DPP10: variants seen among roughly 807,000 people sequenced by gnomAD.
DPP10 encodes the protein inactive dipeptidyl peptidase 10.
Under a neutral mutation model 120.9 loss-of-function variants are expected in DPP10, and 33 were observed. That is an observed-to-expected ratio of 0.27 (90% CI 0.21 to 0.37). The LOEUF (loss-of-function observed/expected upper bound fraction) is 0.37, where lower values mean the gene tolerates loss of function less well. DPP10 is among the 10% of genes least tolerant of loss of function. The probability of loss-of-function intolerance (pLI) is 1.00; values close to 1 mark genes in which losing one functional copy is unlikely to be tolerated. For synonymous variants in DPP10, 337 were observed against 326.1 expected (o/e 1.03, Z -0.36); for missense variants, 816 against 942.8 (o/e 0.87, Z 1.76).
At chr2:115,261,984 C>T (rs561430699) in intron 1 of DPP10, among the ~76,000 whole-genome samples, 55 of 152,234 alleles carry the variant, frequency 3.6e-4, no homozygotes, top group Non-Finnish European at 5.4e-4. Flanking sequence ...GAACTAATGC[C>T]ACATGCCATC....
intron 1 of DPP10, among the ~76,000 whole-genome samples, chr2:114,548,915 A>G (rs749383821): frequency 6.6e-6 from 1 of 152,210 alleles, no homozygotes; most frequent in Non-Finnish European, 1.5e-5. Context: ...GTTCCAGTTA[A>G]AGAGAGATGT....
intron 12 of DPP10, among the ~76,000 whole-genome samples, chr2:115,767,833 A>G (rs1300959209): frequency 1.3e-5 from 2 of 152,134 alleles, no homozygotes; most frequent in Non-Finnish European, 2.9e-5. Flanking sequence ...ACATTATCAG[A>G]AAAGAATCTT....
intron 3 of DPP10, among the ~76,000 whole-genome samples, chr2:115,383,352 A>G (rs1239113982): frequency 6.6e-6 from 1 of 152,192 alleles, no homozygotes; most frequent in African/African-American, 2.4e-5. Flanking sequence ...GTCTGCCACC[A>G]TGTGAGACAT....
At chr2:114,565,700 C>T (rs1689142420) in intron 1 of DPP10, among the ~76,000 whole-genome samples, 2 of 152,232 alleles carry the variant, frequency 1.3e-5, no homozygotes, top group Non-Finnish European at 2.9e-5. Context: ...TTCCTATCCC[C>T]AGGAGGCTTG....
intron 1 of DPP10, among the ~76,000 whole-genome samples, chr2:114,540,000 C>T (rs903389271): frequency 5.3e-5 from 8 of 152,030 alleles, no homozygotes; most frequent in African/African-American, 1.9e-4. Flanking sequence ...TGGACATTTT[C>T]AGCATACAAC....
intron 1 of DPP10, among the ~76,000 whole-genome samples, chr2:114,871,318 TA>T (rs1690673637): frequency 6.6e-6 from 1 of 152,306 alleles, no homozygotes; most frequent in Non-Finnish European, 1.5e-5. Context: ...AAGAATTTTT[TA>T]AAAAATTTGA....
intron 5 of DPP10, among the ~76,000 whole-genome samples, chr2:115,654,262 TACTC>T (rs1008869827): frequency 7.2e-5 from 11 of 151,846 alleles, no homozygotes; most frequent in African/African-American, 2.4e-4. Context: ...GAAGGCAACA[TACTC>T]AATAGTACAA....
intron 1 of DPP10, among the ~76,000 whole-genome samples, chr2:114,957,978 A>T (rs1698337742): frequency 6.6e-6 from 1 of 152,186 alleles, no homozygotes; most frequent in Non-Finnish European, 1.5e-5. Context: ...TGTAGATCAA[A>T]GGGTATGTTA....
chr2:115,355,528 T>A (rs2064318502), intron 3 of DPP10, among the ~76,000 whole-genome samples: 1 of 152,204 alleles, frequency 6.6e-6, no homozygotes, highest in Non-Finnish European at 1.5e-5. Flanking sequence ...CTGATGATGG[T>A]TTCTTTTGCT....
intron 1 of DPP10, among the ~76,000 whole-genome samples, chr2:115,194,332 C>T (rs931831878): frequency 4.3e-4 from 66 of 152,072 alleles, no homozygotes; most frequent in African/African-American, 1.5e-3. Context: ...TCAAGCAATT[C>T]TCCTGCCTCA....
Position 115,749,203 on chromosome 2 carries a change from T to C in DPP10, c.950+3020T>C, listed in dbSNP as rs567206858. Among the ~76,000 whole-genome samples, 3 of 152,318 alleles carry C rather than the reference T, an allele frequency of 2.0e-5. No homozygotes were observed. The South Asian group carries it at 6.2e-4, about 32-fold the overall frequency. ...GAAAATTTAAGTGTGAATTTTAAAA[T>C]ATATATTTACTTTCCAGGGAAATTT... On this transcript the variant is annotated intron_variant, in intron 10 of 25. Transcript: ENST00000410059.
At position 115,825,955 on chromosome 2, in the gene DPP10, A is replaced by G. The variant is rs372088883; in HGVS notation, c.1951-10202A>G. On this transcript the variant is annotated intron_variant, in intron 21 of 25. Coordinates refer to ENST00000410059, the MANE Select transcript of DPP10 (RefSeq NM_020868.6). ...ACTAAAGAAAGAAGTAACAAAAAAT[A>G]AAAAGCAGATTGGTCATTTCAAAGT... 7.2e-5 allele frequency among the ~76,000 whole-genome samples: 11 copies of G among 152,372 alleles called. No individual in the cohort carries two copies. In the East Asian group the frequency reaches 1.7e-3, roughly 24 times the overall value.
chr2:115,456,125 C>A (rs560213736), intron 3 of DPP10, among the ~76,000 whole-genome samples: 1 of 152,004 alleles, frequency 6.6e-6, no homozygotes, highest in South Asian at 2.1e-4. Flanking sequence ...AAGAAAAAAA[C>A]AACCCCATCA....
At chr2:114,729,670 A>G (rs923182979) in intron 1 of DPP10, among the ~76,000 whole-genome samples, 2 of 152,214 alleles carry the variant, frequency 1.3e-5, no homozygotes, top group African/African-American at 4.8e-5. Flanking sequence ...GATTTTCTAA[A>G]CTTTCCAGCT....
At chr2:114,826,253 A>G (rs1686522212) in intron 1 of DPP10, among the ~76,000 whole-genome samples, 1 of 152,170 alleles carries the variant, frequency 6.6e-6, no homozygotes, top group South Asian at 2.1e-4. Flanking sequence ...ATTATATATA[A>G]TGGGAACAAT....
chr2:115,110,099 CA>C (rs1314737189), intron 1 of DPP10, among the ~76,000 whole-genome samples: 2 of 152,054 alleles, frequency 1.3e-5, no homozygotes, highest in African/African-American at 4.8e-5. Flanking sequence ...CAGCGCCTGG[CA>C]AAAAAGTCAG....
At chr2:114,553,258 T>A (rs1327016138) in intron 1 of DPP10, among the ~76,000 whole-genome samples, 1 of 152,246 alleles carries the variant, frequency 6.6e-6, no homozygotes, top group Non-Finnish European at 1.5e-5. Flanking sequence ...CTTCTCCCGC[T>A]GTACCTTCCA....
At chr2:115,741,741 G>T (rs1677303513) in intron 9 of DPP10, among the ~76,000 whole-genome samples, 1 of 152,022 alleles carries the variant, frequency 6.6e-6, no homozygotes, top group African/African-American at 2.4e-5. Flanking sequence ...AAAAGAAATG[G>T]GATTTTTTTT....
intron 5 of DPP10, among the ~76,000 whole-genome samples, chr2:115,547,765 CAAAA>C (rs566808076): frequency 1.4e-5 from 1 of 71,848 alleles, no homozygotes. Context: ...ATCCTATCTC[CAAAA>C]AAAAAAAAAA....
Sources: allele counts gnomAD v4.1 joint callset (sites outside exome capture counted in the v4.1 genomes callset), GRCh38; gene constraint gnomAD v4.1.1; transcripts MANE v1.5; gene names NCBI Gene and HGNC (gene_info 2026-07-23, HGNC 2026-07-21).